Variants in PTPN3 observed in about 807,000 individuals in gnomAD.
PTPN3 encodes protein tyrosine phosphatase non-receptor type 3.
PTPN3 carries 96 observed loss-of-function variants against 132.7 expected under a neutral mutation model. The observed-to-expected ratio is 0.72, with a 90% CI of 0.61 to 0.86. PTPN3 has a LOEUF of 0.86. Ranked by LOEUF, PTPN3 falls within the 40% of genes least tolerant of loss-of-function variation. PTPN3 has a pLI of 0.00. For synonymous variants in PTPN3, 398 were observed against 429.0 expected (o/e 0.93, Z 0.89); for missense variants, 1,125 against 1,159.6 (o/e 0.97, Z 0.43).
intron 19 of PTPN3, among the ~76,000 whole-genome samples, chr9:109,403,107 T>C (rs1475723340): frequency 6.6e-6 from 1 of 152,162 alleles, no homozygotes; most frequent in Non-Finnish European, 1.5e-5. Context: ...ATTAATTCCC[T>C]GTTGATTGTT....
At chr9:109,477,816 T>C (rs903629108) in intron 1 of PTPN3, among the ~76,000 whole-genome samples, 2 of 152,236 alleles carry the variant, frequency 1.3e-5, no homozygotes, top group Non-Finnish European at 2.9e-5. Flanking sequence ...CCACTGCACC[T>C]GCCTCCAGGG....
At chr9:109,388,154 G>A (rs1045575999) in intron 22 of PTPN3, among the ~76,000 whole-genome samples, 5 of 152,176 alleles carry the variant, frequency 3.3e-5, no homozygotes, top group Admixed American at 2.0e-4. Flanking sequence ...AGAGAAAGGC[G>A]CAAAGCTGCT....
chr9:109,501,937 C>T (rs1388433146), upstream of PTPN3, among the ~76,000 whole-genome samples: 2 of 152,100 alleles, frequency 1.3e-5, no homozygotes, highest in Admixed American at 6.6e-5. Context: ...CCTCCTCCTG[C>T]GAAGCTCAAA....
intron 14 of PTPN3, among the ~76,000 whole-genome samples, chr9:109,412,682 T>A (rs1203511969): frequency 6.6e-6 from 1 of 151,862 alleles, no homozygotes. Context: ...CTTTTAAAAA[T>A]TTTTTGTAGA....
At chr9:109,508,459 C>T in the PTPN3 span, among the ~76,000 whole-genome samples, 1 of 152,292 alleles carries the variant, frequency 6.6e-6, no homozygotes, top group Non-Finnish European at 1.5e-5. Context: ...CGCGCCTGGC[C>T]TGTTCTGTTT....
At chr9:109,474,056 G>A (rs1389570663) in intron 1 of PTPN3, among the ~76,000 whole-genome samples, 1 of 152,160 alleles carries the variant, frequency 6.6e-6, no homozygotes, top group East Asian at 1.9e-4. Flanking sequence ...AAAGAAATAA[G>A]ATTTGGTTTT....
In PTPN3 at chr9:109,404,888, A is replaced by G. The variant is rs112070912; in HGVS notation, c.1793-280T>C. Among the ~76,000 whole-genome samples the G allele has an allele frequency of 3.3e-3, 505 of 152,332 alleles. 2 individuals are homozygous for G. Among genetic ancestry groups the G allele is most frequent in the Non-Finnish European group, 6.2e-3 (425 of 68,032 alleles). ...TTTGTCAAAGGTAAAGAAAAGAGAA[A>G]GAATGTTATTTAAAAAAGCATATTG... On this transcript the variant is annotated intron_variant, in intron 18 of 25. Transcript: ENST00000374541.
At chr9:109,533,482 GC>G in the PTPN3 span, 5 of 1,587,394 alleles carry the variant, frequency 3.1e-6, no homozygotes, top group Non-Finnish European at 4.3e-6. Flanking sequence ...TCGGTAAGTT[GC>G]GGCGGTACCG....
chr9:109,445,286 G>T lies in PTPN3; in HGVS notation c.420C>A (p.Thr140=). Residue 140 remains threonine (T), a synonymous_variant, in exon 7 of 26, where the codon ACC becomes ACA. Transcript: ENST00000374541. The part of the protein sequence containing the change: ...LKMDICEGRL[T]CPLNSAVVLA... Reference sequence around the variant, plus strand: ...GAACCACTGCTGAGTTAAGAGGGCAGGTTAACCTGTCAGGAGAAAAACATA... The same window carrying T: ...GAACCACTGCTGAGTTAAGAGGGCATGTTAACCTGTCAGGAGAAAAACATA... 2 of 1,613,430 alleles carry T rather than the reference G, an allele frequency of 1.2e-6. No homozygotes were observed. The highest frequency in any genetic ancestry group is 1.7e-6 in the Non-Finnish European group (2 of 1,179,368).
At chr9:109,415,763 G>C (rs1346741457) in intron 14 of PTPN3, among the ~76,000 whole-genome samples, 2 of 152,126 alleles carry the variant, frequency 1.3e-5, no homozygotes, top group Non-Finnish European at 2.9e-5. Context: ...GGAGGAGTGA[G>C]GGACGACTGA....
intron 5 of PTPN3, chr9:109,451,001 T>C: frequency 2.0e-6 from 2 of 979,178 alleles, no homozygotes; most frequent in Non-Finnish European, 2.4e-6. Context: ...GTTCCAGGAA[T>C]ATAGGTAAAA....
At chr9:109,533,859 A>C in the PTPN3 span, 2 of 797,934 alleles carry the variant, frequency 2.5e-6, no homozygotes, top group African/African-American at 3.4e-5. Context: ...TTTTGCTGGT[A>C]ATTGGGTGGA....
chr9:109,524,033 C>T, the PTPN3 span, among the ~76,000 whole-genome samples: 2 of 152,008 alleles, frequency 1.3e-5, no homozygotes, highest in Non-Finnish European at 2.9e-5. Flanking sequence ...ATTGCTAGAG[C>T]CCAGGAGTTC....
chr9:109,534,307 T>G, the PTPN3 span: 4 of 1,528,428 alleles, frequency 2.6e-6, no homozygotes, highest in Non-Finnish European at 3.5e-6. Context: ...GGCGGGCGGC[T>G]GCTGGGTCTC....
intron 10 of PTPN3, among the ~76,000 whole-genome samples, chr9:109,430,416 C>T (rs984515702): frequency 6.6e-6 from 1 of 152,114 alleles, no homozygotes; most frequent in African/African-American, 2.4e-5. Context: ...CCAGGCTGAC[C>T]CCAATTTCCC....
Position 109,467,907 on chromosome 9 carries a change from T to C in PTPN3, c.-17-4456A>G, listed in dbSNP as rs373131381. Among the ~76,000 whole-genome samples the C allele has an allele frequency of 9.2e-5, 14 of 152,318 alleles. No homozygotes were observed. The East Asian group carries it at 2.3e-3, about 25-fold the overall frequency. ...CATCTCTGATTGTTACATAAAGGGCTTGAAACCTAATGACAATGTCATAAA... is the reference window on the plus strand; with the variant it reads ...CATCTCTGATTGTTACATAAAGGGCCTGAAACCTAATGACAATGTCATAAA... On this transcript the variant is annotated intron_variant, in intron 1 of 25. Coordinates refer to ENST00000374541, the MANE Select transcript of PTPN3 (RefSeq NM_002829.4).
At chr9:109,512,956 C>A in the PTPN3 span, among the ~76,000 whole-genome samples, 1 of 152,186 alleles carries the variant, frequency 6.6e-6, no homozygotes, top group African/African-American at 2.4e-5. Context: ...TAGGCTGGTT[C>A]ACATCTTTGA....
intron 14 of PTPN3, among the ~76,000 whole-genome samples, chr9:109,414,680 AC>A (rs1164679763): frequency 1.3e-5 from 2 of 152,182 alleles, no homozygotes; most frequent in Admixed American, 1.3e-4. Flanking sequence ...TCCTGCTGGA[AC>A]AACAGATCAT....
At chr9:109,388,352 T>C (rs1839776000) in intron 22 of PTPN3, among the ~76,000 whole-genome samples, 1 of 152,062 alleles carries the variant, frequency 6.6e-6, no homozygotes, top group Non-Finnish European at 1.5e-5. Flanking sequence ...GAGGTTAAGT[T>C]CCAGGGCCAG....
Sources: allele counts gnomAD v4.1 joint callset (sites outside exome capture counted in the v4.1 genomes callset), GRCh38; gene constraint gnomAD v4.1.1; transcripts MANE v1.5; gene names NCBI Gene and HGNC (gene_info 2026-07-23, HGNC 2026-07-21).